Variants in ZMAT4 observed in about 807,000 individuals in gnomAD.
ZMAT4 encodes zinc finger matrin-type protein 4.
In ZMAT4, 17 loss-of-function variants were observed where a neutral mutation model predicts 28.7. The observed-to-expected ratio is 0.59, with a 90% CI of 0.41 to 0.89. The LOEUF (loss-of-function observed/expected upper bound fraction) is 0.89. Among genes scored for constraint, ZMAT4 ranks in the 40% least tolerant of loss-of-function variants. The pLI is 0.00. For missense variants in ZMAT4, 240 were observed against 283.8 expected (o/e 0.85, Z 1.11); for synonymous variants, 117 against 109.2 (o/e 1.07, Z -0.44).
At chr8:40,881,642 T>C (rs1182942425) in intron 1 of ZMAT4, among the ~76,000 whole-genome samples, 2 of 151,762 alleles carry the variant, frequency 1.3e-5, no homozygotes, top group Non-Finnish European at 2.9e-5. Flanking sequence ...TAATATCAGT[T>C]CCTTGTCAAA....
chr8:40,780,905 A>G (rs1366540340), intron 2 of ZMAT4, among the ~76,000 whole-genome samples: 1 of 152,212 alleles, frequency 6.6e-6, no homozygotes, highest in Admixed American at 6.5e-5. Flanking sequence ...TGATAGGGCC[A>G]TCTGTGAAAA....
At chr8:40,702,205 T>A (rs1585904466) in intron 3 of ZMAT4, among the ~76,000 whole-genome samples, 1 of 152,198 alleles carries the variant, frequency 6.6e-6, no homozygotes, top group Non-Finnish European at 1.5e-5. Context: ...TATGAATTAC[T>A]CAGGCTGTGG....
In ZMAT4 at chr8:40,694,392, C is replaced by T. The variant is rs139259832; in HGVS notation, c.349+2853G>A. Reference sequence around the variant, plus strand: ...TCAGGTTCCTGTTTTGTTTTCTACGCGTGGTCTCCAGCCCAGCATGCTTGT... The same window carrying T: ...TCAGGTTCCTGTTTTGTTTTCTACGTGTGGTCTCCAGCCCAGCATGCTTGT... On this transcript the variant is annotated intron_variant, in intron 4 of 6. Coordinates refer to ENST00000297737, the MANE Select transcript of ZMAT4 (RefSeq NM_024645.3). Among the ~76,000 whole-genome samples, 1,071 of 152,274 alleles carry T rather than the reference C, an allele frequency of 7.0e-3. 11 individuals carry two copies. The highest frequency in any genetic ancestry group is 0.048 in the Middle Eastern group (14 of 292).
chr8:40,647,221 C>A (rs1296356624), intron 5 of ZMAT4, among the ~76,000 whole-genome samples: 7 of 152,172 alleles, frequency 4.6e-5, no homozygotes. Flanking sequence ...GGTGCGCCCA[C>A]CGTGCGTGAG....
chr8:40,893,112 A>T (rs1050105625), intron 1 of ZMAT4, among the ~76,000 whole-genome samples: 7 of 152,198 alleles, frequency 4.6e-5, no homozygotes, highest in African/African-American at 1.7e-4. Flanking sequence ...GCTGGTCGCC[A>T]TCCTCCATAT....
chr8:40,889,705 G>A (rs1818598930), intron 1 of ZMAT4, among the ~76,000 whole-genome samples: 1 of 152,026 alleles, frequency 6.6e-6, no homozygotes, highest in South Asian at 2.1e-4. Flanking sequence ...ATTATTCAAT[G>A]TAATTTTAAT....
chr8:40,681,793 A>C (rs1281499810), intron 4 of ZMAT4, among the ~76,000 whole-genome samples: 1 of 152,168 alleles, frequency 6.6e-6, no homozygotes, highest in South Asian at 2.1e-4. Context: ...AACTTATTTT[A>C]CAGGGTTAAA....
Position 40,786,702 on chromosome 8 carries a change from C to G in ZMAT4, c.103-18972G>C, listed in dbSNP as rs1274181960. 2.3e-6 allele frequency: 3 copies of G among 1,288,828 alleles called. No individual in the cohort carries two copies. In the East Asian group the frequency reaches 1.7e-4, roughly 72 times the overall value. 79.8% of individuals were successfully genotyped at this position (1,288,828 alleles called of 1,614,324 possible). ...CTCCCAACTTACGGGTCAGAATTCACACAGCCACCTTCTTCAGTGTGACAT... is the reference window on the plus strand; with the variant it reads ...CTCCCAACTTACGGGTCAGAATTCAGACAGCCACCTTCTTCAGTGTGACAT... On this transcript the variant is annotated intron_variant, in intron 2 of 6. Coordinates refer to ENST00000297737, the MANE Select transcript of ZMAT4 (RefSeq NM_024645.3).
intron 1 of ZMAT4, among the ~76,000 whole-genome samples, chr8:40,826,321 A>G (rs903151610): frequency 1.3e-5 from 2 of 152,212 alleles, no homozygotes; most frequent in African/African-American, 4.8e-5. Flanking sequence ...TTAACAAAAG[A>G]GATTTTTAAG....
intron 5 of ZMAT4, among the ~76,000 whole-genome samples, chr8:40,613,464 G>A (rs970304171): frequency 7.2e-5 from 11 of 152,138 alleles, no homozygotes; most frequent in South Asian, 4.2e-4. Flanking sequence ...GATTGCAAGC[G>A]TGAGCCACCT....
At chr8:40,679,375 A>ATGTCT (rs1809050453) in intron 4 of ZMAT4, among the ~76,000 whole-genome samples, 1 of 152,138 alleles carries the variant, frequency 6.6e-6, no homozygotes, top group African/African-American at 2.4e-5. Context: ...TCACCCTACT[A>ATGTCT]ATAAAGACAT....
At chr8:40,742,188 C>G (rs780784973) in intron 3 of ZMAT4, among the ~76,000 whole-genome samples, 13 of 151,878 alleles carry the variant, frequency 8.6e-5, no homozygotes, top group Non-Finnish European at 1.3e-4. Flanking sequence ...GTAGAGGTTG[C>G]AGTGAGCCGT....
chr8:40,851,708 A>G (rs1817114008), intron 1 of ZMAT4, among the ~76,000 whole-genome samples: 1 of 152,182 alleles, frequency 6.6e-6, no homozygotes, highest in Non-Finnish European at 1.5e-5. Context: ...TACATATCTC[A>G]AACATTTATC....
At chr8:40,702,677 A>G (rs4391417) in intron 3 of ZMAT4, among the ~76,000 whole-genome samples, 148,371 of 152,266 alleles carry the variant, frequency 0.97, 72,405 homozygotes, top group East Asian at 1. Flanking sequence ...AGCCTAAGAG[A>G]GAGGCATGCA....
At chr8:40,846,851 A>G (rs1816920659) in intron 1 of ZMAT4, among the ~76,000 whole-genome samples, 1 of 152,200 alleles carries the variant, frequency 6.6e-6, no homozygotes, top group Admixed American at 6.5e-5. Context: ...CACTAAAAGC[A>G]TAATTCAGGC....
intron 6 of ZMAT4, among the ~76,000 whole-genome samples, chr8:40,579,810 T>C (rs971184548): frequency 9.2e-5 from 14 of 152,004 alleles, no homozygotes; most frequent in Non-Finnish European, 1.5e-5. Context: ...ACAAGGATAT[T>C]GTGTTGAGCA....
intron 2 of ZMAT4, among the ~76,000 whole-genome samples, chr8:40,809,538 C>T (rs1293099555): frequency 6.6e-6 from 1 of 152,050 alleles, no homozygotes. Context: ...AACATGATTA[C>T]AATTTAGTTA....
chr8:40,655,322 A>T (rs1807868027), intron 5 of ZMAT4, among the ~76,000 whole-genome samples: 1 of 152,096 alleles, frequency 6.6e-6, no homozygotes, highest in Admixed American at 6.6e-5. Context: ...ATAAATGAAA[A>T]GTCATTTTGT....
At chr8:40,663,657 G>A (rs1808291019) in intron 5 of ZMAT4, among the ~76,000 whole-genome samples, 2 of 152,178 alleles carry the variant, frequency 1.3e-5, no homozygotes, top group African/African-American at 4.8e-5. Flanking sequence ...GGGCTCTGAA[G>A]ATCAGAGTGA....
Sources: allele counts gnomAD v4.1 joint callset (sites outside exome capture counted in the v4.1 genomes callset), GRCh38; gene constraint gnomAD v4.1.1; transcripts MANE v1.5; gene names NCBI Gene and HGNC (gene_info 2026-07-23, HGNC 2026-07-21).